CTNNBL1: variants seen among roughly 807,000 people sequenced by gnomAD.
CTNNBL1 encodes beta-catenin-like protein 1.
A neutral mutation model predicts 72.7 loss-of-function variants in CTNNBL1; 31 were observed. The ratio of observed to expected loss-of-function variants is 0.43; its 90% CI spans 0.32 to 0.58. CTNNBL1 has a LOEUF of 0.58. Ranked by LOEUF, CTNNBL1 falls within the 20% of genes least tolerant of loss-of-function variation. The probability of loss-of-function intolerance (pLI) is 0.08; values close to 1 mark genes in which losing one functional copy is unlikely to be tolerated. For missense variants in CTNNBL1, 534 were observed against 725.1 expected, an observed-to-expected ratio of 0.74 and a Z score of 3.03; for synonymous variants, 240 against 267.3, an observed-to-expected ratio of 0.90 and a Z score of 1.00.
rs151055774 is a variant in CTNNBL1 at position 37,820,607 on chromosome 20, T to G, written c.1213+17559T>G. On this transcript the variant is annotated intron_variant, in intron 11 of 15. Coordinates refer to ENST00000361383, the MANE Select transcript of CTNNBL1 (RefSeq NM_030877.5). ...GCCAGTTTCCCCCAATCTCTTCTCGTGATAATGAGGGAGTTCCCACGAAAT... is the reference window on the plus strand; with the variant it reads ...GCCAGTTTCCCCCAATCTCTTCTCGGGATAATGAGGGAGTTCCCACGAAAT... 3.1e-3 allele frequency among the ~76,000 whole-genome samples: 479 copies of G among 152,284 alleles called. 5 individuals are homozygous for G. Among genetic ancestry groups the G allele is most frequent in the African/African-American group, 0.01 (431 of 41,578 alleles).
intron 10 of CTNNBL1, among the ~76,000 whole-genome samples, chr20:37,796,628 CT>C (rs1327210204): frequency 6.6e-6 from 1 of 152,054 alleles, no homozygotes; most frequent in Non-Finnish European, 1.5e-5. Context: ...TATTTAGCAA[CT>C]TTGCTCTATC....
chr20:37,705,755 CT>C (rs1260995006), intron 1 of CTNNBL1, among the ~76,000 whole-genome samples: 1 of 152,138 alleles, frequency 6.6e-6, no homozygotes, highest in Non-Finnish European at 1.5e-5. Flanking sequence ...CTTCCTTTGT[CT>C]TTTTTTCCCC....
chr20:37,817,631 G>A (rs1490606264), intron 11 of CTNNBL1, among the ~76,000 whole-genome samples: 3 of 152,092 alleles, frequency 2.0e-5, no homozygotes, highest in Non-Finnish European at 2.9e-5. Flanking sequence ...GCTTCTTAAC[G>A]TTTATATCAC....
At chr20:37,715,996 G>C (rs1453799456) in intron 1 of CTNNBL1, among the ~76,000 whole-genome samples, 1 of 136,946 alleles carries the variant, frequency 7.3e-6, no homozygotes, top group Non-Finnish European at 1.6e-5. Context: ...CTGTTTTTGG[G>C]TATTTTTTTT....
chr20:37,833,539 G>A (rs1288092389), intron 11 of CTNNBL1, among the ~76,000 whole-genome samples: 1 of 152,126 alleles, frequency 6.6e-6, no homozygotes, highest in East Asian at 1.9e-4. Context: ...GATTTGCCTG[G>A]CCTTCCCCTT....
At chr20:37,751,002 A>G (rs928214801) in intron 4 of CTNNBL1, 3 of 152,010 alleles carry the variant, frequency 2.0e-5, no homozygotes, top group African/African-American at 7.3e-5. Flanking sequence ...AGACATGGAG[A>G]TTAGCATGCA....
rs560043951 is a variant in CTNNBL1, at chr20:37,785,681, G to A, written c.1031+6346G>A. On this transcript the variant is annotated intron_variant, in intron 10 of 15. Transcript: ENST00000361383. ...AAATTTCATAAAGCTTCCTCAAAAC[G>A]CTATTTTGAATTTTTTATCTGAAAG... Among the ~76,000 whole-genome samples the A allele has an allele frequency of 1.5e-3, 225 of 152,138 alleles. 1 individual carries two copies. The highest frequency in any genetic ancestry group is 6.8e-3 in the Middle Eastern group (2 of 294).
chr20:37,818,972 C>T (rs114097770), intron 11 of CTNNBL1, among the ~76,000 whole-genome samples: 1,870 of 152,278 alleles, frequency 0.012, 42 homozygotes, highest in African/African-American at 0.042. Context: ...GCTCCCCTCA[C>T]CACTATTTTA....
intron 1 of CTNNBL1, among the ~76,000 whole-genome samples, chr20:37,712,755 A>G (rs781007269): frequency 3.0e-4 from 46 of 152,188 alleles, no homozygotes; most frequent in Admixed American, 1.4e-3. Context: ...GTTGGCAGGG[A>G]CTTTTTCTCC....
intron 12 of CTNNBL1, 38 bp downstream of exon 12, chr20:37,840,237 T>C (rs758549016): frequency 6.9e-7 from 1 of 1,441,124 alleles, no homozygotes; most frequent in Admixed American, 1.7e-5. Flanking sequence ...GGACCGGGAC[T>C]GATAGAAAGG....
In CTNNBL1 at chr20:37,754,431, G is replaced by A. The variant is rs77661996; in HGVS notation, c.467-3128G>A. Among the ~76,000 whole-genome samples, 763 of 151,984 alleles carry A rather than the reference G, an allele frequency of 5.0e-3. 17 individuals are homozygous for A. Among genetic ancestry groups the A allele is most frequent in the East Asian group, 0.044 (227 of 5,160 alleles). On this transcript the variant is annotated intron_variant, in intron 4 of 15. Coordinates refer to ENST00000361383, the MANE Select transcript of CTNNBL1 (RefSeq NM_030877.5). ...CCACCGTGCCCAGCCCAGTTGTCCTGTAGACATCTGACTCCACAGTGGGTG... is the reference window on the plus strand; with the variant it reads ...CCACCGTGCCCAGCCCAGTTGTCCTATAGACATCTGACTCCACAGTGGGTG...
chr20:37,712,261 C>T (rs2072944873), intron 1 of CTNNBL1, among the ~76,000 whole-genome samples: 1 of 152,196 alleles, frequency 6.6e-6, no homozygotes, highest in African/African-American at 2.4e-5. Flanking sequence ...GTTGAGCGCC[C>T]TGGCCTGGAG....
intron 1 of CTNNBL1, among the ~76,000 whole-genome samples, chr20:37,698,943 G>T (rs1240170024): frequency 6.6e-6 from 1 of 152,162 alleles, no homozygotes; most frequent in African/African-American, 2.4e-5. Context: ...CTACTTAGGA[G>T]GCTGAGGAGG....
At chr20:37,866,146 T>C (rs543162690) in intron 15 of CTNNBL1, among the ~76,000 whole-genome samples, 9 of 152,358 alleles carry the variant, frequency 5.9e-5, no homozygotes, top group African/African-American at 2.2e-4. Flanking sequence ...ATGTTAGCCC[T>C]GTAGCCAGCG....
At position 37,831,522 on chromosome 20, in the gene CTNNBL1, C is replaced by T. The variant is rs181770383; in HGVS notation, c.1214-8580C>T. Among the ~76,000 whole-genome samples the T allele has an allele frequency of 4.3e-4, 65 of 152,140 alleles. 1 individual carries two copies. In the South Asian group the frequency reaches 0.012, roughly 28 times the overall value. ...CTGGGACTACAGGTGCCCGCCACCA[C>T]GCCCAGCTAATTTTTTGTATTTTTT... On this transcript the variant is annotated intron_variant, in intron 11 of 15. Transcript: ENST00000361383.
chr20:37,871,470 G>A (rs1405165277), intron 15 of CTNNBL1, among the ~76,000 whole-genome samples: 1 of 152,090 alleles, frequency 6.6e-6, no homozygotes, highest in Non-Finnish European at 1.5e-5. Flanking sequence ...AAGGGCAAAG[G>A]GTCTTGAGAG....
intron 1 of CTNNBL1, among the ~76,000 whole-genome samples, chr20:37,728,472 A>G (rs2122590678): frequency 6.6e-6 from 1 of 152,302 alleles, no homozygotes; most frequent in South Asian, 2.1e-4. Flanking sequence ...TCTTGTTCAC[A>G]CTTATGTGCC....
chr20:37,754,927 C>T (rs2073350540), intron 4 of CTNNBL1, among the ~76,000 whole-genome samples: 1 of 152,074 alleles, frequency 6.6e-6, no homozygotes, highest in Non-Finnish European at 1.5e-5. Flanking sequence ...CCTGCCTCAG[C>T]CTCCTGAGTA....
chr20:37,711,074 C>G (rs1272864889), intron 1 of CTNNBL1, among the ~76,000 whole-genome samples: 1 of 152,148 alleles, frequency 6.6e-6, no homozygotes, highest in Non-Finnish European at 1.5e-5. Context: ...GTGTGCCCTA[C>G]CCTAGCTGGA....
Sources: gnomAD v4.1 joint callset for allele counts (sites outside exome capture counted in the v4.1 genomes callset) on GRCh38, gnomAD v4.1.1 for gene constraint, MANE v1.5 for transcripts, NCBI Gene and HGNC (gene_info 2026-07-23, HGNC 2026-07-21) for gene names.